WAC: variants seen among roughly 807,000 people sequenced by gnomAD.
WAC encodes the protein WW domain-containing adapter protein with coiled-coil.
A neutral mutation model predicts 79.6 loss-of-function variants in WAC; 11 were observed. The ratio of observed to expected loss-of-function variants is 0.14; its 90% CI spans 0.09 to 0.23. The LOEUF is 0.23. Ranked by LOEUF, WAC falls within the 10% of genes least tolerant of loss-of-function variation. The pLI, the probability that WAC is intolerant of heterozygous loss-of-function variation, is 1.00. For synonymous variants in WAC, 304 were observed against 276.9 expected (o/e 1.10, Z -0.97); for missense variants, 728 against 773.5 (o/e 0.94, Z 0.70).
At chr10:28,583,357 TAC>T (rs772112050) in intron 3 of WAC, 40 bp from the exon 4 acceptor site, 1 of 1,408,988 alleles carries the variant, frequency 7.1e-7, no homozygotes, top group South Asian at 1.3e-5. Context: ...AAACATGAAA[TAC>T]AGTTTACTTG....
chr10:28,619,960 T>TTCA lies in WAC; in HGVS notation c.*354_*355insTCA, dbSNP rs1491261458. On this transcript the variant is annotated 3_prime_UTR_variant, in exon 14 of 14. Coordinates refer to ENST00000354911, the MANE Select transcript of WAC (RefSeq NM_016628.5). ...AACCTGTCTGCAAAATTAGCTTTTT[T>TTCA]AAAAAAAAAAAAAAAAAAATTGGGG... is the stretch of plus-strand genomic sequence containing the variant. 1.4e-5 allele frequency: 2 copies of TTCA among 142,056 alleles called. No individual in the cohort carries two copies. Among genetic ancestry groups the TTCA allele is most frequent in the African/African-American group, 5.2e-5 (2 of 38,186 alleles). 8.8% of individuals were successfully genotyped at this position (142,056 alleles called of 1,614,324 possible).
intron 7 of WAC, among the ~76,000 whole-genome samples, chr10:28,601,474 G>C (rs991115971): frequency 7.2e-5 from 11 of 152,104 alleles, no homozygotes; most frequent in African/African-American, 1.4e-4. Context: ...AATGTAAAAT[G>C]ATGCAGCTAC....
chr10:28,616,606 T>A lies in WAC; in HGVS notation c.1746+244T>A, dbSNP rs191137492. ...GCAGTTAGCTCAGTGCTTAATGCCTTATATTTATTTTCTCTACTTCTTAAA... is the reference window on the plus strand; with the variant it reads ...GCAGTTAGCTCAGTGCTTAATGCCTAATATTTATTTTCTCTACTTCTTAAA... On this transcript the variant is annotated intron_variant, in intron 12 of 13. Coordinates refer to ENST00000354911, the MANE Select transcript of WAC (RefSeq NM_016628.5). Among the ~76,000 whole-genome samples the A allele has an allele frequency of 7.8e-4, 119 of 152,364 alleles. 2 individuals are homozygous for A. In the East Asian group the frequency reaches 0.019, roughly 25 times the overall value.
At chr10:28,569,835 T>G (rs1222928324) in intron 3 of WAC, among the ~76,000 whole-genome samples, 5 of 152,258 alleles carry the variant, frequency 3.3e-5, no homozygotes, top group African/African-American at 9.6e-5. Context: ...CATTTCCATC[T>G]GTTTCTTTTT....
chr10:28,595,535 C>T (rs929721767), intron 6 of WAC, among the ~76,000 whole-genome samples, 198 bp from the exon 7 acceptor site: 1 of 151,958 alleles, frequency 6.6e-6, no homozygotes, highest in Non-Finnish European at 1.5e-5. Context: ...AGCAAAAACT[C>T]CTCCTCTTCC....
chr10:28,542,864 A>G (rs1274284341), intron 3 of WAC, among the ~76,000 whole-genome samples: 1 of 152,252 alleles, frequency 6.6e-6, no homozygotes, highest in East Asian at 1.9e-4. Context: ...AACAAATGTT[A>G]TAGCAGAACT....
At chr10:28,582,168 T>C (rs930386758) in intron 3 of WAC, among the ~76,000 whole-genome samples, 21 of 152,188 alleles carry the variant, frequency 1.4e-4, no homozygotes, top group Admixed American at 6.5e-5. Flanking sequence ...TCTTGGCCAT[T>C]GCCTTTTTTC....
At chr10:28,540,611 T>C (rs1836956825) in intron 3 of WAC, among the ~76,000 whole-genome samples, 2 of 152,246 alleles carry the variant, frequency 1.3e-5, no homozygotes, top group South Asian at 4.1e-4. Context: ...AAGACTTGTT[T>C]ACGAAGTGGA....
intron 8 of WAC, among the ~76,000 whole-genome samples, chr10:28,610,210 C>T (rs1352146322): frequency 6.6e-6 from 1 of 151,982 alleles, no homozygotes; most frequent in Non-Finnish European, 1.5e-5. Context: ...TGGGTGTGAG[C>T]TACCATGTCC....
chr10:28,611,652 G>C lies in WAC; in HGVS notation c.1289-122G>C, dbSNP rs1841241952. ...ATTTATTCCAATAAGTGTTCTCTGG[G>C]TAATATGGGGGTGGGGGGGTTTAGA... On this transcript the variant is annotated intron_variant, in intron 9 of 13. Coordinates refer to ENST00000354911, the MANE Select transcript of WAC (RefSeq NM_016628.5). The C allele has an allele frequency of 1.8e-5, 23 of 1,302,546 alleles. No individual in the cohort carries two copies. The South Asian group carries it at 3.1e-4, about 18-fold the overall frequency. 80.7% of individuals were successfully genotyped at this position (1,302,546 alleles called of 1,614,324 possible).
At chr10:28,588,841 CATTT>C (rs1488420975) in intron 4 of WAC, 2 of 152,116 alleles carry the variant, frequency 1.3e-5, no homozygotes, top group African/African-American at 2.4e-5. Flanking sequence ...CATATCATCT[CATTT>C]ATTTGTGTTG....
intron 7 of WAC, among the ~76,000 whole-genome samples, chr10:28,596,443 A>G (rs985325574): frequency 1.3e-5 from 2 of 152,176 alleles, no homozygotes; most frequent in Non-Finnish European, 2.9e-5. Context: ...TCTGTATAAC[A>G]TTTCATTATT....
intron 3 of WAC, among the ~76,000 whole-genome samples, chr10:28,578,182 A>T (rs1839345445): frequency 1.3e-5 from 2 of 152,138 alleles, no homozygotes; most frequent in African/African-American, 4.8e-5. Flanking sequence ...AAAAAAATTT[A>T]AAAATTACTG....
intron 3 of WAC, among the ~76,000 whole-genome samples, chr10:28,544,540 T>C (rs935052865): frequency 1.3e-5 from 2 of 152,232 alleles, no homozygotes; most frequent in Non-Finnish European, 2.9e-5. Flanking sequence ...CAGAGTAGAT[T>C]ATTAGGCTTG....
intron 7 of WAC, among the ~76,000 whole-genome samples, chr10:28,602,393 A>T (rs369695665): frequency 1.3e-5 from 2 of 152,228 alleles, no homozygotes; most frequent in African/African-American, 4.8e-5. Context: ...GAATTTAAAA[A>T]TTAAAGTCAC....
rs1357545143 is a variant in WAC, at chr10:28,611,855, C to G, written c.1370C>G (p.Thr457Arg). ...TCATATGTTTCTCCAAGAATAAGCA[C>G]ACCTCAAACTAACACAGTCCCTATC... is the stretch of plus-strand genomic sequence containing the variant. ...PRSYVSPRIS[T>R]PQTNTVPIKP... Residue 457 changes from threonine to arginine, a missense_variant, in exon 10 of 14, where the codon ACA becomes AGA. Coordinates refer to ENST00000354911, the MANE Select transcript of WAC (RefSeq NM_016628.5). 6.2e-7 allele frequency: 1 copy of G among 1,614,146 alleles called. No homozygotes were observed. The highest frequency in any genetic ancestry group is 8.5e-7 in the Non-Finnish European group (1 of 1,180,028).
rs1490866722 is a variant in WAC at position 28,622,445 on chromosome 10, G to A, written c.*2839G>A. 2.3e-4 allele frequency: 5 copies of A among 21,674 alleles called. No individual in the cohort carries two copies. The highest frequency in any genetic ancestry group is 1.1e-4 in the Non-Finnish European group (1 of 9,246). The allele number at this position is 21,674 out of a possible 1,614,324, so 1.3% of individuals were successfully genotyped here. ...CCCCTGCCCCCCCCCCCCCCCCCCCGTTTTAAAAGATCAGTAGTCTCTATT... is the reference window on the plus strand; with the variant it reads ...CCCCTGCCCCCCCCCCCCCCCCCCCATTTTAAAAGATCAGTAGTCTCTATT... On this transcript the variant is annotated 3_prime_UTR_variant, in exon 14 of 14. Transcript: ENST00000354911.
At chr10:28,605,650 G>A (rs184792753) in intron 7 of WAC, among the ~76,000 whole-genome samples, 188 of 152,196 alleles carry the variant, frequency 1.2e-3, no homozygotes, top group African/African-American at 4.0e-3. Flanking sequence ...TGTTAATGAT[G>A]ATGTGTATTT....
chr10:28,597,251 A>T (rs1213300719), intron 7 of WAC, among the ~76,000 whole-genome samples: 1 of 152,188 alleles, frequency 6.6e-6, no homozygotes, highest in African/African-American at 2.4e-5. Flanking sequence ...ACCCTGTGAC[A>T]TATTTGCAAA....
Sources: allele counts gnomAD v4.1 joint callset (sites outside exome capture counted in the v4.1 genomes callset), GRCh38; gene constraint gnomAD v4.1.1; transcripts MANE v1.5; gene names NCBI Gene and HGNC (gene_info 2026-07-23, HGNC 2026-07-21).